Variants in RPS6KA2 observed in about 807,000 individuals in gnomAD.
RPS6KA2 encodes ribosomal protein S6 kinase alpha-2.
In RPS6KA2, 42 loss-of-function variants were observed where a neutral mutation model predicts 91.8. That is an observed-to-expected ratio of 0.46 (90% CI 0.36 to 0.59). RPS6KA2 has a LOEUF of 0.59. Ranked by LOEUF, RPS6KA2 falls within the 20% of genes least tolerant of loss-of-function variation. RPS6KA2 has a pLI of 0.00. For synonymous variants in RPS6KA2, 414 were observed against 393.6 expected (o/e 1.05, Z -0.61); for missense variants, 798 against 978.5 (o/e 0.82, Z 2.46).
chr6:166,469,062 C>T (rs1182793100), intron 11 of RPS6KA2, among the ~76,000 whole-genome samples: 3 of 152,200 alleles, frequency 2.0e-5, no homozygotes, highest in Admixed American at 6.5e-5. Flanking sequence ...AAGGAGGTAT[C>T]GCCTTCCTCA....
chr6:166,720,293 G>A (rs1172688722), intron 2 of RPS6KA2, among the ~76,000 whole-genome samples: 1 of 152,150 alleles, frequency 6.6e-6, no homozygotes, highest in Non-Finnish European at 1.5e-5. Flanking sequence ...AAACTCATAA[G>A]TTGGGAACAT....
chr6:166,847,748 T>C (rs1402396620), intron 2 of RPS6KA2, among the ~76,000 whole-genome samples: 1 of 152,042 alleles, frequency 6.6e-6, no homozygotes, highest in Admixed American at 6.6e-5. Context: ...TCACCTTATA[T>C]AAAAATTTAC....
chr6:166,698,830 G>C (rs1789427940), intron 2 of RPS6KA2, among the ~76,000 whole-genome samples: 1 of 152,222 alleles, frequency 6.6e-6, no homozygotes, highest in African/African-American at 2.4e-5. Context: ...TTGGAGGACG[G>C]AAAATGGAGG....
chr6:166,618,442 A>G (rs1379668070), intron 1 of RPS6KA2, among the ~76,000 whole-genome samples: 1 of 152,100 alleles, frequency 6.6e-6, no homozygotes, highest in African/African-American at 2.4e-5. Context: ...GGGTATGGGT[A>G]GGGCCTGAGA....
At chr6:166,560,357 T>C (rs1238269581) in intron 1 of RPS6KA2, among the ~76,000 whole-genome samples, 1 of 152,206 alleles carries the variant, frequency 6.6e-6, no homozygotes, top group African/African-American at 2.4e-5. Context: ...ACAAGTACCT[T>C]GCAATACAAT....
At chr6:166,425,406 A>G (rs1255255149) in intron 16 of RPS6KA2, among the ~76,000 whole-genome samples, 1 of 152,162 alleles carries the variant, frequency 6.6e-6, no homozygotes, top group Admixed American at 6.5e-5. Flanking sequence ...TGAGCAAAAT[A>G]ACCAGCTAAC....
chr6:166,460,509 G>A (rs78816899), intron 11 of RPS6KA2, among the ~76,000 whole-genome samples: 3,426 of 152,240 alleles, frequency 0.023, 134 homozygotes, highest in African/African-American at 0.078. Context: ...CTGGAGGGAG[G>A]ACTGGGGCCT....
rs145234767 is a variant in RPS6KA2 at position 166,590,726 on chromosome 6, C to G, written c.99+36195G>C. On this transcript the variant is annotated intron_variant, in intron 1 of 20. Coordinates refer to ENST00000265678, the MANE Select transcript of RPS6KA2 (RefSeq NM_021135.6). Reference sequence around the variant, plus strand: ...TCATTTCCCGTTGCATCATGTATACCTTAAACATACACAATAAAACTCATT... The same window carrying G: ...TCATTTCCCGTTGCATCATGTATACGTTAAACATACACAATAAAACTCATT... 5.0e-3 allele frequency among the ~76,000 whole-genome samples: 763 copies of G among 152,104 alleles called. 38 individuals are homozygous for G. The South Asian group carries it at 0.11, about 21-fold the overall frequency.
chr6:166,820,038 G>A (rs1194501317), intron 2 of RPS6KA2, among the ~76,000 whole-genome samples: 1 of 152,218 alleles, frequency 6.6e-6, no homozygotes, highest in Non-Finnish European at 1.5e-5. Flanking sequence ...AATCTGAGGT[G>A]AAGGGAAGTA....
intron 3 of RPS6KA2, among the ~76,000 whole-genome samples, chr6:166,520,550 G>GA (rs1782821783): frequency 6.6e-6 from 1 of 152,172 alleles, no homozygotes; most frequent in African/African-American, 2.4e-5. Flanking sequence ...TGTTACTCTG[G>GA]AAAATCCTGA....
In RPS6KA2 at chr6:166,563,318, C is replaced by G. The variant is rs1400300057; in HGVS notation, c.100-24534G>C. On this transcript the variant is annotated intron_variant, in intron 1 of 20. Coordinates refer to ENST00000265678, the MANE Select transcript of RPS6KA2 (RefSeq NM_021135.6). The surrounding 1 kb of genome is among the most constrained non-coding windows in gnomAD (Gnocchi z 4.1). ...AAGCACTCGGAGGAGCGGGGGCCAA[C>G]CCGGAATCAGCCTCTGTTCCTTCTT... 2.0e-5 allele frequency among the ~76,000 whole-genome samples: 3 copies of G among 152,192 alleles called. No homozygotes were observed. The highest frequency in any genetic ancestry group is 4.4e-5 in the Non-Finnish European group (3 of 68,020).
At chr6:166,664,323 C>T (rs754260304) in intron 2 of RPS6KA2, among the ~76,000 whole-genome samples, 16 of 152,336 alleles carry the variant, frequency 1.1e-4, no homozygotes, top group Non-Finnish European at 2.1e-4. Context: ...CGCTGCTCCA[C>T]GGGACTGAAA....
chr6:166,664,475 C>T (rs1323270475), intron 2 of RPS6KA2, among the ~76,000 whole-genome samples: 1 of 152,172 alleles, frequency 6.6e-6, no homozygotes, highest in African/African-American at 2.4e-5. Context: ...ATTTTAAGGG[C>T]ATCAGGAAGA....
rs1790275902 is a variant in RPS6KA2, at chr6:166,724,347, G to A, written c.123+133853C>T. ...GGAGGTCCACGGCAGCTAGCTCTTTGTTGTAGACTGTGCCTTTATCATTAT... is the reference window on the plus strand; with the variant it reads ...GGAGGTCCACGGCAGCTAGCTCTTTATTGTAGACTGTGCCTTTATCATTAT... On this transcript the variant is annotated intron_variant, in intron 2 of 21. Transcript: ENST00000503859. Among the ~76,000 whole-genome samples the A allele has an allele frequency of 2.0e-5, 3 of 151,918 alleles. No homozygotes were observed. The South Asian group carries it at 6.2e-4, about 32-fold the overall frequency.
intron 16 of RPS6KA2, among the ~76,000 whole-genome samples, chr6:166,425,844 A>G (rs915996514): frequency 5.9e-5 from 9 of 152,282 alleles, no homozygotes; most frequent in East Asian, 1.9e-4. Context: ...CTCCCACACA[A>G]TAATAATGGG....
At chr6:166,854,825 C>T (rs967866976) in intron 2 of RPS6KA2, among the ~76,000 whole-genome samples, 9 of 152,138 alleles carry the variant, frequency 5.9e-5, no homozygotes, top group Admixed American at 4.6e-4. Flanking sequence ...CCATTTGATC[C>T]ATAATCCCAC....
chr6:166,550,852 T>A (rs1475108187), intron 1 of RPS6KA2, among the ~76,000 whole-genome samples: 2 of 151,800 alleles, frequency 1.3e-5, no homozygotes, highest in East Asian at 1.9e-4. Flanking sequence ...ATACAAAAAA[T>A]TAGCCAGGCG....
At chr6:166,715,264 G>A (rs1330689782) in intron 2 of RPS6KA2, among the ~76,000 whole-genome samples, 4 of 152,190 alleles carry the variant, frequency 2.6e-5, no homozygotes, top group Non-Finnish European at 2.9e-5. Context: ...AAGGAGCTGC[G>A]TCTTCAAATG....
chr6:166,839,065 C>T lies in RPS6KA2; in HGVS notation c.123+19135G>A, dbSNP rs561162654. Among the ~76,000 whole-genome samples the T allele has an allele frequency of 5.9e-5, 9 of 152,134 alleles. No individual in the cohort carries two copies. The South Asian group carries it at 6.2e-4, about 11-fold the overall frequency. On this transcript the variant is annotated intron_variant, in intron 2 of 21. Transcript: ENST00000503859. ...TGAAACACAGCCTCTGCCAACTCCTCGATCTTAGGATCTGTGCCCTCCAGA... is the reference window on the plus strand; with the variant it reads ...TGAAACACAGCCTCTGCCAACTCCTTGATCTTAGGATCTGTGCCCTCCAGA...
Sources: allele counts gnomAD v4.1 joint callset (sites outside exome capture counted in the v4.1 genomes callset), GRCh38; gene constraint gnomAD v4.1.1; non-coding constraint Gnocchi (gnomAD v3.1); transcripts MANE v1.5; gene names NCBI Gene and HGNC (gene_info 2026-07-23, HGNC 2026-07-21).